Variants in ESR1 observed in about 807,000 individuals in gnomAD.
The protein encoded by ESR1 is estrogen receptor 1, also known as estrogen receptor.
ESR1 carries 12 observed loss-of-function variants against 52.7 expected under a neutral mutation model. The ratio of observed to expected loss-of-function variants is 0.23; its 90% CI spans 0.15 to 0.37. The LOEUF (loss-of-function observed/expected upper bound fraction) is 0.37. ESR1 is among the 10% of genes least tolerant of loss of function. ESR1 has a pLI of 1.00. For synonymous variants in ESR1, 305 were observed against 316.8 expected, an observed-to-expected ratio of 0.96 and a Z score of 0.39; for missense variants, 584 against 779.7, an observed-to-expected ratio of 0.75 and a Z score of 2.99.
intron 4 of ESR1, among the ~76,000 whole-genome samples, chr6:151,955,478 G>C (rs2036801570): frequency 6.6e-6 from 1 of 151,980 alleles, no homozygotes; most frequent in African/African-American, 2.4e-5. Context: ...GCAAAAATAG[G>C]ATAAAAATGA....
At chr6:152,044,051 T>C (rs1290403805) in intron 5 of ESR1, among the ~76,000 whole-genome samples, 1 of 152,222 alleles carries the variant, frequency 6.6e-6, no homozygotes, top group African/African-American at 2.4e-5. Flanking sequence ...ATCATTTTTT[T>C]GTTTTCATCA....
chr6:151,659,175 A>G (rs1051193736), intron 1 of ESR1, among the ~76,000 whole-genome samples: 1 of 152,106 alleles, frequency 6.6e-6, no homozygotes, highest in Non-Finnish European at 1.5e-5. Context: ...CACCATGCCC[A>G]GCTAATTTTG....
chr6:152,064,628 T>G (rs1036843706), intron 6 of ESR1, among the ~76,000 whole-genome samples: 55 of 151,744 alleles, frequency 3.6e-4, no homozygotes, highest in African/African-American at 1.3e-3. Context: ...TTGTGTGGGG[T>G]TTTTTTCTTT....
intron 3 of ESR1, among the ~76,000 whole-genome samples, chr6:151,892,498 T>C (rs1261307763): frequency 6.6e-6 from 1 of 151,872 alleles, no homozygotes; most frequent in Non-Finnish European, 1.5e-5. Context: ...AATGAGAAGA[T>C]GGCCATATAT....
intron 5 of ESR1, among the ~76,000 whole-genome samples, chr6:152,038,196 G>A (rs2982714): frequency 0.39 from 59,666 of 152,006 alleles, 13,899 homozygotes; most frequent in African/African-American, 0.65. Flanking sequence ...ATCCGTCATG[G>A]GAGAAAGATG....
chr6:152,047,507 T>C (rs1017047251), intron 5 of ESR1, among the ~76,000 whole-genome samples: 1 of 152,152 alleles, frequency 6.6e-6, no homozygotes, highest in Non-Finnish European at 1.5e-5. Flanking sequence ...AGCCTAAATA[T>C]TGTATGTTGC....
intron 1 of ESR1, among the ~76,000 whole-genome samples, chr6:151,659,530 A>G (rs73780834): frequency 6.6e-6 from 1 of 152,200 alleles, no homozygotes; most frequent in Non-Finnish European, 1.5e-5. Context: ...TGAGTTTCTC[A>G]TGGCTAATGA....
intron 6 of ESR1, among the ~76,000 whole-genome samples, chr6:152,083,532 G>T (rs1250200536): frequency 6.6e-6 from 1 of 152,144 alleles, no homozygotes; most frequent in African/African-American, 2.4e-5. Context: ...TACCATTCAG[G>T]ACATAGGCAT....
chr6:151,902,090 C>A (rs1449551932), intron 3 of ESR1, among the ~76,000 whole-genome samples: 1 of 152,170 alleles, frequency 6.6e-6, no homozygotes, highest in Non-Finnish European at 1.5e-5. Context: ...TACAGATAAC[C>A]TTTACTGAGC....
chr6:151,838,217 GGCCGAAGGA>G (rs1394744658), intron 1 of ESR1, among the ~76,000 whole-genome samples: 12 of 152,196 alleles, frequency 7.9e-5, no homozygotes, highest in African/African-American at 2.2e-4. Context: ...GGGCCTTTGA[GGCCGAAGGA>G]GCAGAAGAAG....
At chr6:151,973,279 G>T (rs1217526794) in intron 4 of ESR1, among the ~76,000 whole-genome samples, 1 of 152,196 alleles carries the variant, frequency 6.6e-6, no homozygotes, top group Non-Finnish European at 1.5e-5. Context: ...GAGGGGTTGA[G>T]TAATTTGCCC....
chr6:151,997,758 G>A (rs572965575), intron 4 of ESR1, among the ~76,000 whole-genome samples: 2 of 152,212 alleles, frequency 1.3e-5, no homozygotes, highest in African/African-American at 2.4e-5. Flanking sequence ...ACTTTAAATC[G>A]TGTTCACTTT....
At chr6:151,826,427 A>G (rs572313075) in intron 1 of ESR1, among the ~76,000 whole-genome samples, 1 of 152,330 alleles carries the variant, frequency 6.6e-6, no homozygotes, top group African/African-American at 2.4e-5. Context: ...CTTCCAATGC[A>G]GAGGCTAGAA....
intron 6 of ESR1, among the ~76,000 whole-genome samples, chr6:152,091,149 C>T (rs776902885): frequency 1.5e-4 from 23 of 152,190 alleles, no homozygotes; most frequent in Non-Finnish European, 2.6e-4. Context: ...CTGTTTTGCT[C>T]TTGCAGTGGT....
intron 3 of ESR1, among the ~76,000 whole-genome samples, chr6:151,901,698 G>C (rs764468042): frequency 6.6e-6 from 1 of 152,176 alleles, no homozygotes; most frequent in Non-Finnish European, 1.5e-5. Flanking sequence ...CCATGATCTG[G>C]AGCTGCAGAT....
At chr6:151,668,302 A>G (rs1777902283) in intron 1 of ESR1, among the ~76,000 whole-genome samples, 1 of 151,580 alleles carries the variant, frequency 6.6e-6, no homozygotes, top group African/African-American at 2.4e-5. Context: ...TTTTTGAGAT[A>G]GAGTCTCGCT....
At chr6:151,759,924 G>A (rs1784549933) in intron 2 of ESR1, among the ~76,000 whole-genome samples, 2 of 152,276 alleles carry the variant, frequency 1.3e-5, no homozygotes, top group South Asian at 2.1e-4. Flanking sequence ...ACCTGAAAGG[G>A]TTGGTAAAAT....
At chr6:152,104,337 A>G (rs2051036074), downstream of ESR1, among the ~76,000 whole-genome samples, 1 of 152,224 alleles carries the variant, frequency 6.6e-6, no homozygotes, top group African/African-American at 2.4e-5. Context: ...AATAGAAACA[A>G]GAATAGCACT....
At chr6:151,804,341 A>G (rs1299186447), upstream of ESR1, 2 of 152,208 alleles carry the variant, frequency 1.3e-5, no homozygotes, top group Non-Finnish European at 2.9e-5. Context: ...TCAATAGTGA[A>G]CAATTGCAGA....
Sources: gnomAD v4.1 joint callset for allele counts (sites outside exome capture counted in the v4.1 genomes callset) on GRCh38, gnomAD v4.1.1 for gene constraint, MANE v1.5 for transcripts, NCBI Gene and HGNC (gene_info 2026-07-23, HGNC 2026-07-21) for gene names.